Variants in ARL15 observed in about 807,000 individuals in gnomAD.
ARL15 encodes the protein ADP-ribosylation factor-like protein 15.
In ARL15, 19 loss-of-function variants were observed where a neutral mutation model predicts 25.2. The ratio of observed to expected loss-of-function variants is 0.75; its 90% CI spans 0.53 to 1.10. The LOEUF (loss-of-function observed/expected upper bound fraction) is 1.10. ARL15 is among the 50% of genes least tolerant of loss of function. The pLI is 0.00. For synonymous variants in ARL15, 94 were observed against 86.8 expected (o/e 1.08, Z -0.46); for missense variants, 220 against 246.0 (o/e 0.89, Z 0.71).
chr5:54,108,883 A>G (rs555486456), intron 4 of ARL15, among the ~76,000 whole-genome samples: 4 of 152,004 alleles, frequency 2.6e-5, no homozygotes, highest in Non-Finnish European at 5.9e-5. Flanking sequence ...GTCTAATACT[A>G]AAAAGCGAAA....
chr5:54,142,328 T>C (rs1198002431), intron 3 of ARL15, among the ~76,000 whole-genome samples: 2 of 152,120 alleles, frequency 1.3e-5, no homozygotes, highest in Admixed American at 6.5e-5. Context: ...ATTTGGATTA[T>C]AGGAGATAGG....
At chr5:54,132,014 A>G (rs1407932192) in intron 3 of ARL15, among the ~76,000 whole-genome samples, 2 of 152,356 alleles carry the variant, frequency 1.3e-5, no homozygotes, top group East Asian at 3.9e-4. Context: ...CAAAATAATT[A>G]ATGAGAAAAC....
At chr5:54,001,831 G>C (rs1198104998) in intron 4 of ARL15, among the ~76,000 whole-genome samples, 1 of 152,162 alleles carries the variant, frequency 6.6e-6, no homozygotes. Context: ...CAATCCAAAG[G>C]AAAATAACTG....
chr5:53,893,558 A>T (rs1744786243), intron 4 of ARL15, among the ~76,000 whole-genome samples: 1 of 152,192 alleles, frequency 6.6e-6, no homozygotes, highest in South Asian at 2.1e-4. Flanking sequence ...CAGTGAGCCG[A>T]GATCGCACCA....
intron 4 of ARL15, among the ~76,000 whole-genome samples, chr5:53,908,375 T>C (rs923320397): frequency 1.3e-5 from 2 of 152,210 alleles, no homozygotes; most frequent in African/African-American, 2.4e-5. Flanking sequence ...GAACTTTTTT[T>C]CCTCATCATT....
chr5:54,053,350 T>G (rs1750758123), intron 4 of ARL15, among the ~76,000 whole-genome samples: 1 of 152,190 alleles, frequency 6.6e-6, no homozygotes, highest in African/African-American at 2.4e-5. Context: ...GTAGAAGAGA[T>G]AAACCTACTA....
chr5:54,034,471 G>A (rs1309070549), intron 4 of ARL15, among the ~76,000 whole-genome samples: 1 of 152,116 alleles, frequency 6.6e-6, no homozygotes, highest in Non-Finnish European at 1.5e-5. Flanking sequence ...TTCTACTACT[G>A]TGAATAAAAT....
intron 4 of ARL15, among the ~76,000 whole-genome samples, chr5:54,076,314 G>T (rs974052187): frequency 6.6e-6 from 1 of 150,928 alleles, no homozygotes; most frequent in Admixed American, 6.6e-5. Context: ...CCAGGTATTC[G>T]GGAGGCTGAG....
intron 1 of ARL15, among the ~76,000 whole-genome samples, chr5:54,231,163 C>A (rs1012232325): frequency 6.6e-6 from 1 of 152,150 alleles, no homozygotes; most frequent in African/African-American, 2.4e-5. Context: ...ACCAAATGCA[C>A]CCTTGGCTCC....
chr5:54,011,099 C>G lies in ARL15; in HGVS notation c.462+102103G>C, dbSNP rs1285782878. Among the ~76,000 whole-genome samples, 4 of 151,852 alleles carry G rather than the reference C, an allele frequency of 2.6e-5. No individual in the cohort carries two copies. In the East Asian group the frequency reaches 7.7e-4, roughly 29 times the overall value. On this transcript the variant is annotated intron_variant, in intron 4 of 4. Transcript: ENST00000504924. ...TATAAGACAGATGCCTAGCCTGTGC[C>G]GGGAGTGGAAAAAGCCCTCCGTGAG...
rs1179717051 is a variant in ARL15 at position 54,171,811 on chromosome 5, T to A, written c.166A>T (p.Ser56Cys). 1 of 1,613,264 alleles carries A rather than the reference T, an allele frequency of 6.2e-7. No homozygotes were observed. Among genetic ancestry groups the A allele is most frequent in the African/African-American group, 1.3e-5 (1 of 75,024 alleles). Residue 56 changes from serine (S) to cysteine (C), a missense_variant, in exon 2 of 5, where the codon AGC becomes TGC. By Grantham distance (112) the Ser-to-Cys change is moderately radical (BLOSUM62 -1). Transcript: ENST00000504924. The part of the protein sequence containing the change: ...TSLLSKLCSE[S>C]PDNVVSTTGF... ...GTGGTCGACACGACGTTATCGGGGC[T>A]TTCACTGCAGAGTTTGGACAACAGA...
At chr5:54,025,277 A>T (rs1404042064) in intron 4 of ARL15, among the ~76,000 whole-genome samples, 4 of 151,182 alleles carry the variant, frequency 2.6e-5, no homozygotes, top group Admixed American at 2.0e-4. Context: ...TTGCAGAGAG[A>T]CAAAGGGACC....
chr5:54,154,887 C>G (rs181362405), intron 2 of ARL15, among the ~76,000 whole-genome samples: 2 of 152,272 alleles, frequency 1.3e-5, no homozygotes, highest in African/African-American at 4.8e-5. Flanking sequence ...CTTTGGGAAG[C>G]CAAGGCGGGC....
intron 1 of ARL15, among the ~76,000 whole-genome samples, chr5:54,250,585 C>T (rs957037153): frequency 2.0e-5 from 3 of 151,966 alleles, no homozygotes; most frequent in East Asian, 3.9e-4. Flanking sequence ...CGCTAAGAGA[C>T]GAAGGTCTGT....
At chr5:53,897,837 G>C (rs1744924357) in intron 4 of ARL15, among the ~76,000 whole-genome samples, 1 of 152,050 alleles carries the variant, frequency 6.6e-6, no homozygotes, top group Admixed American at 6.6e-5. Flanking sequence ...ACAACATGGG[G>C]GTTGGGGTGC....
At chr5:54,246,980 C>T (rs1240599019) in intron 1 of ARL15, among the ~76,000 whole-genome samples, 1 of 152,064 alleles carries the variant, frequency 6.6e-6, no homozygotes, top group African/African-American at 2.4e-5. Context: ...AGAAATGCTA[C>T]AGTTATTGGA....
chr5:54,262,135 A>G (rs1206393956), intron 1 of ARL15, among the ~76,000 whole-genome samples: 4 of 152,142 alleles, frequency 2.6e-5, no homozygotes, highest in Admixed American at 6.5e-5. Context: ...ACCTTTCTGT[A>G]TATAAAACAT....
chr5:54,022,351 G>C (rs1031480104), intron 4 of ARL15, among the ~76,000 whole-genome samples: 2 of 151,864 alleles, frequency 1.3e-5, no homozygotes, highest in African/African-American at 2.4e-5. Flanking sequence ...TGCTGCCCCT[G>C]TCTCTCATCT....
chr5:54,038,012 T>C (rs1750225280), intron 4 of ARL15, among the ~76,000 whole-genome samples: 1 of 152,126 alleles, frequency 6.6e-6, no homozygotes, highest in South Asian at 2.1e-4. Flanking sequence ...ATCATTTTAA[T>C]TGTCTAATCA....
Sources: allele counts gnomAD v4.1 joint callset (sites outside exome capture counted in the v4.1 genomes callset), GRCh38; gene constraint gnomAD v4.1.1; transcripts MANE v1.5; gene names NCBI Gene and HGNC (gene_info 2026-07-23, HGNC 2026-07-21).